EXOC6B: variants seen among roughly 807,000 people sequenced by gnomAD.
EXOC6B encodes the protein SEC15 homolog B.
Under a neutral mutation model 113.5 loss-of-function variants are expected in EXOC6B, and 54 were observed. The observed-to-expected ratio is 0.48, with a 90% CI of 0.38 to 0.60. The LOEUF (loss-of-function observed/expected upper bound fraction) is 0.60. Ranked by LOEUF, EXOC6B falls within the 20% of genes least tolerant of loss-of-function variation. EXOC6B has a pLI of 0.00. For synonymous variants in EXOC6B, 357 were observed against 339.0 expected, an observed-to-expected ratio of 1.05 and a Z score of -0.58; for missense variants, 797 against 977.5, an observed-to-expected ratio of 0.82 and a Z score of 2.46.
At chr2:72,310,736 C>T (rs1687136099) in intron 20 of EXOC6B, among the ~76,000 whole-genome samples, 1 of 151,746 alleles carries the variant, frequency 6.6e-6, no homozygotes, top group Non-Finnish European at 1.5e-5. Context: ...AAGTATGATG[C>T]TTCCTTTGAT....
chr2:72,569,866 T>C (rs188547756), intron 7 of EXOC6B, among the ~76,000 whole-genome samples: 115 of 152,262 alleles, frequency 7.6e-4, no homozygotes, highest in African/African-American at 2.7e-3. Context: ...CACTATTTCA[T>C]AGGTAAGAAA....
intron 6 of EXOC6B, among the ~76,000 whole-genome samples, chr2:72,585,130 A>C (rs768826678): frequency 6.6e-6 from 1 of 152,180 alleles, no homozygotes; most frequent in Non-Finnish European, 1.5e-5. Flanking sequence ...CAACCCCAAA[A>C]CTACTAGAAG....
intron 6 of EXOC6B, among the ~76,000 whole-genome samples, chr2:72,621,892 A>G (rs1270185861): frequency 6.6e-6 from 1 of 152,166 alleles, no homozygotes; most frequent in African/African-American, 2.4e-5. Flanking sequence ...ATGTGGACCA[A>G]TAAACACTAG....
At chr2:72,511,322 A>G (rs1700883218) in intron 11 of EXOC6B, among the ~76,000 whole-genome samples, 1 of 152,122 alleles carries the variant, frequency 6.6e-6, no homozygotes, top group Non-Finnish European at 1.5e-5. Context: ...CCAAACTATC[A>G]AAACTGCTAA....
At chr2:72,457,049 T>A (rs925737959) in intron 18 of EXOC6B, among the ~76,000 whole-genome samples, 1 of 148,756 alleles carries the variant, frequency 6.7e-6, no homozygotes, top group East Asian at 2.0e-4. Flanking sequence ...AACAGTTGGG[T>A]GTGCTTAACA....
At chr2:72,308,824 C>T (rs556998822) in intron 20 of EXOC6B, among the ~76,000 whole-genome samples, 11 of 152,030 alleles carry the variant, frequency 7.2e-5, no homozygotes, top group Non-Finnish European at 1.5e-4. Flanking sequence ...ACTAAAACTA[C>T]TGTAGTTAAA....
At chr2:72,460,630 A>G (rs558408259) in intron 18 of EXOC6B, among the ~76,000 whole-genome samples, 4 of 152,292 alleles carry the variant, frequency 2.6e-5, no homozygotes, top group South Asian at 2.1e-4. Context: ...CTGGTCATCA[A>G]AGAAATGCAA....
intron 6 of EXOC6B, among the ~76,000 whole-genome samples, chr2:72,636,448 A>G (rs1205594807): frequency 6.6e-6 from 1 of 150,612 alleles, no homozygotes; most frequent in Non-Finnish European, 1.5e-5. Flanking sequence ...AGGAAGAAGG[A>G]AGAAGAAGGA....
intron 6 of EXOC6B, among the ~76,000 whole-genome samples, chr2:72,668,220 C>A (rs116110247): frequency 7.3e-4 from 111 of 152,196 alleles, no homozygotes; most frequent in African/African-American, 2.6e-3. Flanking sequence ...TGAGATACCA[C>A]GACACATTAG....
chr2:72,671,791 GAAAGAAAGAAAGAA>G (rs1553464076), intron 6 of EXOC6B, among the ~76,000 whole-genome samples: 1 of 107,204 alleles, frequency 9.3e-6, no homozygotes, highest in Non-Finnish European at 1.9e-5. Flanking sequence ...AAGAAAGAAA[GAAAGAAAGAAAGAA>G]AGAAAGAAAG....
intron 20 of EXOC6B, among the ~76,000 whole-genome samples, chr2:72,201,551 C>G (rs1482991612): frequency 1.3e-5 from 2 of 152,102 alleles, no homozygotes; most frequent in Non-Finnish European, 2.9e-5. Flanking sequence ...AATGAGATAA[C>G]TGAAAGGAAA....
At chr2:72,767,792 GAC>G (rs951774001) in intron 1 of EXOC6B, among the ~76,000 whole-genome samples, 30 of 50,614 alleles carry the variant, frequency 5.9e-4, no homozygotes, top group African/African-American at 1.9e-3. Context: ...CAGCCTGGGA[GAC>G]ACAGAGACCT....
At chr2:72,201,912 A>G (rs1373033543) in intron 20 of EXOC6B, among the ~76,000 whole-genome samples, 1 of 152,136 alleles carries the variant, frequency 6.6e-6, no homozygotes. Flanking sequence ...GCCCACTACC[A>G]GTGTTTGGGT....
intron 6 of EXOC6B, among the ~76,000 whole-genome samples, chr2:72,676,546 C>A (rs765452991): frequency 1.3e-5 from 2 of 152,154 alleles, no homozygotes; most frequent in African/African-American, 2.4e-5. Context: ...GCAGAGTACA[C>A]AATAGGCTTT....
At chr2:72,564,275 C>T (rs1217752290) in intron 7 of EXOC6B, among the ~76,000 whole-genome samples, 2 of 152,176 alleles carry the variant, frequency 1.3e-5, no homozygotes, top group African/African-American at 4.8e-5. Context: ...CAGACACACA[C>T]ACTCTCTCCC....
At chr2:72,538,079 C>A (rs1241142028) in intron 8 of EXOC6B, among the ~76,000 whole-genome samples, 5 of 151,592 alleles carry the variant, frequency 3.3e-5, no homozygotes, top group Non-Finnish European at 7.4e-5. Context: ...CACCTCACCT[C>A]CCAAAGTAAC....
intron 6 of EXOC6B, among the ~76,000 whole-genome samples, chr2:72,615,584 A>T (rs6713712): frequency 0.22 from 32,223 of 148,778 alleles, 5,730 homozygotes; most frequent in African/African-American, 0.49. Flanking sequence ...GGTAATGCTG[A>T]TATTAAAAAA....
intron 18 of EXOC6B, among the ~76,000 whole-genome samples, chr2:72,443,854 A>C (rs1439388660): frequency 6.6e-6 from 1 of 152,182 alleles, no homozygotes; most frequent in African/African-American, 2.4e-5. Flanking sequence ...GCTATAATTC[A>C]AGATGAGAGT....
intron 11 of EXOC6B, among the ~76,000 whole-genome samples, chr2:72,507,954 GA>G (rs976240447): frequency 0.013 from 980 of 73,068 alleles, 7 homozygotes; most frequent in African/African-American, 0.033. Flanking sequence ...CATTGCTTTA[GA>G]AAAAAAAAAA....
Sources: allele counts gnomAD v4.1 joint callset (sites outside exome capture counted in the v4.1 genomes callset), GRCh38; gene constraint gnomAD v4.1.1; transcripts MANE v1.5; gene names NCBI Gene and HGNC (gene_info 2026-07-23, HGNC 2026-07-21).